Variants in DLC1 observed in about 807,000 individuals in gnomAD.
DLC1 encodes rho GTPase-activating protein 7.
Under a neutral mutation model 140.3 loss-of-function variants are expected in DLC1, and 54 were observed. That is an observed-to-expected ratio of 0.38 (90% CI 0.31 to 0.48). DLC1 has a LOEUF of 0.48. Ranked by LOEUF, DLC1 falls within the 20% of genes least tolerant of loss-of-function variation. The probability of loss-of-function intolerance (pLI) is 0.96; values close to 1 mark genes in which losing one functional copy is unlikely to be tolerated. For synonymous variants in DLC1, 986 were observed against 728.1 expected (o/e 1.35, Z -5.70); for missense variants, 2,536 against 1,907.0 (o/e 1.33, Z -6.14).
rs1799161763 is a variant in DLC1, at chr8:13,453,387, GATATATATATATATGTGTAT to G, written c.1023+45642_1023+45661del. Among the ~76,000 whole-genome samples, 113 of 52,348 alleles carry G rather than the reference GATATATATATATATGTGTAT, an allele frequency of 2.2e-3. 2 individuals carry two copies. The highest frequency in any genetic ancestry group is 0.018 in the East Asian group (22 of 1,228). The allele number at this position is 52,348 out of a possible 152,430, so 34.3% of individuals were successfully genotyped here. On this transcript the variant is annotated intron_variant, in intron 2 of 17. Coordinates refer to ENST00000276297, the MANE Select transcript of DLC1 (RefSeq NM_182643.3). Reference sequence around the variant, plus strand: ...TTACTAAAAGAATAAGATGGCCCAGGATATATATATATATGTGTATATATATATATATATATGTGTATATA... The same window carrying G: ...TTACTAAAAGAATAAGATGGCCCAGGATATATATATATATATGTGTATATA...
chr8:13,437,219 GA>G (rs1488821338), intron 2 of DLC1, among the ~76,000 whole-genome samples: 1 of 152,140 alleles, frequency 6.6e-6, no homozygotes, highest in Non-Finnish European at 1.5e-5. Context: ...CCTCTTGAAT[GA>G]AAACATAAAT....
chr8:13,159,108 T>C (rs951344832), intron 5 of DLC1, among the ~76,000 whole-genome samples: 2 of 151,280 alleles, frequency 1.3e-5, no homozygotes, highest in African/African-American at 4.9e-5. Context: ...AGGTGGAGAG[T>C]GTTTTGTTAT....
At chr8:13,185,937 G>C (rs1353362704) in intron 5 of DLC1, among the ~76,000 whole-genome samples, 4 of 152,128 alleles carry the variant, frequency 2.6e-5, no homozygotes, top group Non-Finnish European at 5.9e-5. Flanking sequence ...GAAATTCTGG[G>C]TTGAAAATTC....
intron 1 of DLC1, among the ~76,000 whole-genome samples, chr8:13,510,679 G>A (rs192549424): frequency 5.3e-5 from 8 of 151,954 alleles, no homozygotes; most frequent in East Asian, 1.9e-4. Flanking sequence ...TATTTTTTTC[G>A]GTACACCACC....
intron 2 of DLC1, among the ~76,000 whole-genome samples, chr8:13,404,053 G>T (rs1378923419): frequency 6.6e-6 from 1 of 151,772 alleles, no homozygotes; most frequent in Non-Finnish European, 1.5e-5. Flanking sequence ...TCTAGTTTTG[G>T]TCTTGTTATG....
intron 4 of DLC1, among the ~76,000 whole-genome samples, chr8:13,371,017 A>C (rs1029189470): frequency 6.6e-6 from 1 of 152,136 alleles, no homozygotes; most frequent in East Asian, 1.9e-4. Flanking sequence ...CATACGAACT[A>C]AGTATTATTG....
At chr8:13,380,247 A>T (rs1483890645) in intron 4 of DLC1, among the ~76,000 whole-genome samples, 1 of 152,218 alleles carries the variant, frequency 6.6e-6, no homozygotes. Context: ...AAACACTTAT[A>T]TGTTATTCTC....
intron 4 of DLC1, among the ~76,000 whole-genome samples, chr8:13,333,511 T>C (rs1259936627): frequency 6.6e-6 from 1 of 152,148 alleles, no homozygotes; most frequent in Non-Finnish European, 1.5e-5. Flanking sequence ...AGACTCCCAA[T>C]ATGTGGGGAT....
intron 2 of DLC1, among the ~76,000 whole-genome samples, chr8:13,419,702 T>C (rs1838226287): frequency 6.6e-6 from 1 of 152,134 alleles, no homozygotes. Context: ...TGCCCAGCTT[T>C]GGTATTAGGA....
intron 2 of DLC1, 105 bp from the exon 3 acceptor site, chr8:13,401,724 C>G (rs1837310100): frequency 7.1e-7 from 1 of 1,404,826 alleles, no homozygotes; most frequent in East Asian, 2.3e-5. Flanking sequence ...GGATAATAGG[C>G]AGTCTTTAAT....
intron 4 of DLC1, among the ~76,000 whole-genome samples, chr8:13,349,117 A>G (rs192493959): frequency 2.4e-4 from 36 of 152,258 alleles, no homozygotes; most frequent in Admixed American, 2.0e-3. Flanking sequence ...GGAGACACTA[A>G]TCAGATAGGT....
intron 2 of DLC1, among the ~76,000 whole-genome samples, chr8:13,416,868 A>C (rs1838087295): frequency 1.3e-5 from 2 of 152,170 alleles, no homozygotes; most frequent in Admixed American, 1.3e-4. Context: ...ACTCCATGAA[A>C]AACATAGTGA....
intron 2 of DLC1, among the ~76,000 whole-genome samples, chr8:13,495,393 G>T (rs1801454808): frequency 6.6e-6 from 1 of 152,054 alleles, no homozygotes; most frequent in South Asian, 2.1e-4. Flanking sequence ...TCTCAGAATT[G>T]CTTTTAACCA....
chr8:13,376,715 C>T lies in DLC1; in HGVS notation c.1314+16838G>A, dbSNP rs548341848. Among the ~76,000 whole-genome samples, 4 of 152,278 alleles carry T rather than the reference C, an allele frequency of 2.6e-5. No homozygotes were observed. The South Asian group carries it at 8.3e-4, about 32-fold the overall frequency. On this transcript the variant is annotated intron_variant, in intron 4 of 17. Transcript: ENST00000276297. ...TTCTGTAGAATTCTGCTTCAGGTAA[C>T]ATTTCAAAGTTTTGGAAAAGTAAAT...
At chr8:13,317,601 T>G (rs1260015917) in intron 4 of DLC1, among the ~76,000 whole-genome samples, 2 of 152,082 alleles carry the variant, frequency 1.3e-5, no homozygotes, top group East Asian at 3.9e-4. Flanking sequence ...CACTGAGGCA[T>G]AAAGATCGCA....
At chr8:13,525,290 A>G (rs995038350) in intron 1 of DLC1, among the ~76,000 whole-genome samples, 6 of 152,216 alleles carry the variant, frequency 3.9e-5, no homozygotes, top group African/African-American at 1.4e-4. Context: ...TTACAAATCA[A>G]GCTGCTATGA....
chr8:13,301,971 G>A (rs1832214252), intron 5 of DLC1, among the ~76,000 whole-genome samples: 1 of 152,160 alleles, frequency 6.6e-6, no homozygotes, highest in African/African-American at 2.4e-5. Context: ...CAAAAAGGTT[G>A]AGGCATACAG....
At position 13,120,356 on chromosome 8, in the gene DLC1, A is replaced by AAAAAAAAATATATATATATATATATAT; in HGVS notation, c.1349-4700_1349-4699insATATATATATATATATATATTTTTTTT. Among the ~76,000 whole-genome samples, 48 of 61,086 alleles carry AAAAAAAAATATATATATATATATATAT rather than the reference A, an allele frequency of 7.9e-4. No individual in the cohort carries two copies. The East Asian group carries it at 0.01, about 13-fold the overall frequency. The allele number at this position is 61,086 out of a possible 152,430, so 40.1% of individuals were successfully genotyped here. A position where few individuals can be genotyped will look rare whatever the true frequency, so the allele number is the denominator to read the frequency against. ...AGACTCCGTCGCAAAAAAAAAAAAA[A>AAAAAAAAATATATATATATATATATAT]ATATATATATATATAAAATGTATAT... On this transcript the variant is annotated intron_variant, in intron 5 of 17. Coordinates refer to ENST00000276297, the MANE Select transcript of DLC1 (RefSeq NM_182643.3).
intron 15 of DLC1, 158 bp from the exon 16 acceptor site, chr8:13,088,862 A>G (rs760353039): frequency 1.1e-4 from 63 of 585,884 alleles, no homozygotes; most frequent in Non-Finnish European, 1.6e-4. Flanking sequence ...ATAAAGAAAT[A>G]TTGGGGGCTA....
Sources: gnomAD v4.1 joint callset for allele counts (sites outside exome capture counted in the v4.1 genomes callset) on GRCh38, gnomAD v4.1.1 for gene constraint, MANE v1.5 for transcripts, NCBI Gene and HGNC (gene_info 2026-07-23, HGNC 2026-07-21) for gene names.